Variants in BOC observed in about 807,000 individuals in gnomAD.
BOC encodes brother of CDO.
Under a neutral mutation model 112.0 loss-of-function variants are expected in BOC, and 76 were observed. That is an observed-to-expected ratio of 0.68 (90% CI 0.56 to 0.82). The LOEUF (loss-of-function observed/expected upper bound fraction) is 0.82, where lower values mean the gene tolerates loss of function less well. Ranked by LOEUF, BOC falls within the 40% of genes least tolerant of loss-of-function variation. BOC has a pLI of 0.00. For missense variants in BOC, 1,309 were observed against 1,511.7 expected (o/e 0.87, Z 2.22); for synonymous variants, 580 against 599.8 (o/e 0.97, Z 0.48).
At chr3:113,229,349 G>A (rs906397132) in intron 2 of BOC, among the ~76,000 whole-genome samples, 3 of 152,172 alleles carry the variant, frequency 2.0e-5, no homozygotes, top group Non-Finnish European at 2.9e-5. Flanking sequence ...AGTCATTGGT[G>A]GCTTCTCAGG....
chr3:113,251,230 A>G, intron 4 of BOC: 1 of 391,192 alleles, frequency 2.6e-6, no homozygotes, highest in South Asian at 4.5e-5. Context: ...CATTCTCACC[A>G]CAGTTACAGT....
At chr3:113,268,909 T>C (rs1947810973) in intron 5 of BOC, among the ~76,000 whole-genome samples, 1 of 152,236 alleles carries the variant, frequency 6.6e-6, no homozygotes, top group Non-Finnish European at 1.5e-5. Context: ...TGTTCTTTCT[T>C]GATATTTGGT....
At chr3:113,222,509 A>G (rs1163248565) in intron 2 of BOC, among the ~76,000 whole-genome samples, 1 of 152,218 alleles carries the variant, frequency 6.6e-6, no homozygotes, top group East Asian at 1.9e-4. Flanking sequence ...GCAAGGCTGC[A>G]ACAGAAAGAG....
chr3:113,249,140 A>G (rs1282524225), intron 2 of BOC, among the ~76,000 whole-genome samples: 3 of 152,156 alleles, frequency 2.0e-5, no homozygotes, highest in Non-Finnish European at 4.4e-5. Flanking sequence ...GGATCTAGGC[A>G]TAGAGCTGGG....
intron 2 of BOC, 95 bp downstream of exon 2, chr3:113,216,369 A>G (rs1376634609): frequency 2.3e-6 from 1 of 435,130 alleles, no homozygotes; most frequent in Non-Finnish European, 4.7e-6. Flanking sequence ...AGTTTTTCTC[A>G]TCCTCAAGTA....
At chr3:113,252,529 G>A (rs1945758052) in intron 4 of BOC, among the ~76,000 whole-genome samples, 1 of 152,152 alleles carries the variant, frequency 6.6e-6, no homozygotes, top group Non-Finnish European at 1.5e-5. Flanking sequence ...AGGGAGGGAT[G>A]GAGAAGCAGT....
chr3:113,233,684 A>T (rs1433654198), intron 2 of BOC, among the ~76,000 whole-genome samples: 1 of 152,016 alleles, frequency 6.6e-6, no homozygotes, highest in African/African-American at 2.4e-5. Flanking sequence ...AGAGCTGGGG[A>T]CCTCACCGCT....
chr3:113,234,931 G>A (rs1943221111), intron 2 of BOC, among the ~76,000 whole-genome samples: 1 of 152,144 alleles, frequency 6.6e-6, no homozygotes, highest in Admixed American at 6.5e-5. Flanking sequence ...TTCTTCTCAG[G>A]GCTCCATTGT....
chr3:113,238,239 A>T (rs149879591), intron 2 of BOC, among the ~76,000 whole-genome samples: 1 of 152,210 alleles, frequency 6.6e-6, no homozygotes, highest in African/African-American at 2.4e-5. Context: ...CCCAGATTTT[A>T]GGGCTTACGG....
intron 2 of BOC, among the ~76,000 whole-genome samples, chr3:113,219,369 G>T (rs1360194209): frequency 1.3e-5 from 2 of 152,216 alleles, no homozygotes; most frequent in Non-Finnish European, 2.9e-5. Context: ...CCTACTGTGT[G>T]CCAGGCCTTG....
chr3:113,282,436 T>G (rs142632376), intron 15 of BOC, among the ~76,000 whole-genome samples: 93 of 152,252 alleles, frequency 6.1e-4, no homozygotes, highest in African/African-American at 2.2e-3. Context: ...GGTTTCCAGC[T>G]GGAAGTACTG....
At chr3:113,245,198 C>G (rs981713638) in intron 2 of BOC, among the ~76,000 whole-genome samples, 4 of 151,864 alleles carry the variant, frequency 2.6e-5, no homozygotes, top group Non-Finnish European at 5.9e-5. Flanking sequence ...GTAAAAATGA[C>G]CTTTGTTTTT....
In BOC at chr3:113,272,494, AGT is replaced by A. The variant is rs1414528460; in HGVS notation, c.758_759del (p.Val253GlyfsTer68). The A allele has an allele frequency of 1.2e-6, 2 of 1,613,916 alleles. No homozygotes were observed. The highest frequency in any genetic ancestry group is 1.7e-6 in the Non-Finnish European group (2 of 1,180,018). On this transcript the variant is annotated frameshift_variant, in exon 7 of 20. Coordinates refer to ENST00000682979, the MANE Select transcript of BOC (RefSeq NM_001378074.1). LOFTEE classifies it high-confidence loss of function. ...ACCAAAGGCCAGAGTCTCATTCTGG[AGT>A]GTGTGGCCAGTGGAATCCCACCCCC...
rs1272056285 is a variant in BOC at position 113,274,783 on chromosome 3, GC to G, written c.1542+103del. ...GGCCATCTCCCCTTGAGCTCCTGAA[GC>G]CTGAGCCGGTAATCCCCACCACTAA... On this transcript the variant is annotated intron_variant, in intron 9 of 19. Transcript: ENST00000682979. This position sits in a 1 kb window ranked among gnomAD's most constrained non-coding sequence, Gnocchi z 4.8. 8.1e-7 allele frequency: 1 copy of G among 1,239,346 alleles called. No homozygotes were observed. Among genetic ancestry groups the G allele is most frequent in the African/African-American group, 1.5e-5 (1 of 65,878 alleles). The allele number at this position is 1,239,346 out of a possible 1,614,324, so 76.8% of individuals were successfully genotyped here. A position where few individuals can be genotyped will look rare whatever the true frequency, so the allele number is the denominator to read the frequency against.
At position 113,280,120 on chromosome 3, in the gene BOC, A is replaced by G. The variant is rs1033920439; in HGVS notation, c.2205+115A>G. 4.8e-5 allele frequency: 55 copies of G among 1,135,340 alleles called. No homozygotes were observed. The South Asian group carries it at 8.6e-4, about 18-fold the overall frequency. 70.3% of individuals were successfully genotyped at this position (1,135,340 alleles called of 1,614,324 possible). A position where few individuals can be genotyped will look rare whatever the true frequency, so the allele number is the denominator to read the frequency against. On this transcript the variant is annotated intron_variant, in intron 13 of 19. Coordinates refer to ENST00000682979, the MANE Select transcript of BOC (RefSeq NM_001378074.1). ...GGGCACCTGAAAGCTTCATCAGTGG[A>G]ATTTGGGAGGCTCTTAGTGGCTGGA... is the stretch of plus-strand genomic sequence containing the variant.
intron 4 of BOC, among the ~76,000 whole-genome samples, chr3:113,255,281 C>T (rs530905037): frequency 6.6e-6 from 1 of 152,226 alleles, no homozygotes; most frequent in Non-Finnish European, 1.5e-5. Context: ...TGTTCCCAGT[C>T]TGCTCCTGAA....
intron 2 of BOC, among the ~76,000 whole-genome samples, chr3:113,247,228 C>T (rs1945027660): frequency 6.6e-6 from 1 of 152,094 alleles, no homozygotes; most frequent in Admixed American, 6.5e-5. Flanking sequence ...CTTTCAATTT[C>T]CTTAAGGGCC....
At chr3:113,251,787 T>G (rs1037551037) in intron 4 of BOC, 2 of 152,208 alleles carry the variant, frequency 1.3e-5, no homozygotes, top group African/African-American at 4.8e-5. Flanking sequence ...TCTTATTTCT[T>G]TTATGCTTGT....
At position 113,249,905 on chromosome 3, in the gene BOC, T is replaced by G. The variant is rs1376924530; in HGVS notation, c.97+6T>G. ...AGGCTGCTTTGCTGACTTGAGTGAG[T>G]GCTTTCCTTCCCTTTCCCTGCCCTT... On this transcript the variant is annotated splice_donor_region_variant and intron_variant, in intron 3 of 19. Coordinates refer to ENST00000682979, the MANE Select transcript of BOC (RefSeq NM_001378074.1). 4.3e-6 allele frequency: 7 copies of G among 1,612,264 alleles called. No homozygotes were observed. The highest frequency in any genetic ancestry group is 5.9e-6 in the Non-Finnish European group (7 of 1,179,052).
Sources: gnomAD v4.1 joint callset for allele counts (sites outside exome capture counted in the v4.1 genomes callset) on GRCh38, gnomAD v4.1.1 for gene constraint, Gnocchi (gnomAD v3.1) non-coding constraint, MANE v1.5 for transcripts, NCBI Gene and HGNC (gene_info 2026-07-23, HGNC 2026-07-21) for gene names.